GRB14: variants seen among roughly 807,000 people sequenced by gnomAD.
GRB14 encodes growth factor receptor-bound protein 14.
GRB14 carries 38 observed loss-of-function variants against 69.1 expected under a neutral mutation model. That is an observed-to-expected ratio of 0.55 (90% confidence interval 0.42 to 0.72). The LOEUF is 0.72. Ranked by LOEUF, GRB14 falls within the 30% of genes least tolerant of loss-of-function variation. The pLI is 0.00. For synonymous variants in GRB14, 247 were observed against 241.3 expected (o/e 1.02, Z -0.22); for missense variants, 666 against 666.1 (o/e 1.00, Z 0.00).
intron 6 of GRB14, among the ~76,000 whole-genome samples, chr2:164,520,114 T>C (rs1421271204): frequency 6.6e-6 from 1 of 152,058 alleles, no homozygotes. Flanking sequence ...CTTCAAACTA[T>C]ACTACAAGGC....
chr2:164,513,247 T>A (rs1423462652), intron 6 of GRB14, among the ~76,000 whole-genome samples: 1 of 152,214 alleles, frequency 6.6e-6, no homozygotes, highest in African/African-American at 2.4e-5. Context: ...TTTTGGTAAT[T>A]TCACTCCCTT....
chr2:164,523,362 G>A (rs916617779), intron 5 of GRB14, among the ~76,000 whole-genome samples: 4 of 151,990 alleles, frequency 2.6e-5, no homozygotes, highest in Non-Finnish European at 4.4e-5. Flanking sequence ...GCTCAACTGA[G>A]CGTTTGTGCT....
At chr2:164,517,613 C>G (rs1687526134) in intron 6 of GRB14, among the ~76,000 whole-genome samples, 1 of 152,064 alleles carries the variant, frequency 6.6e-6, no homozygotes, top group African/African-American at 2.4e-5. Flanking sequence ...TTGCTGTCTT[C>G]AAGAGACTCA....
chr2:164,494,488 T>G lies in GRB14; in HGVS notation c.1419A>C (p.Lys473Asn), dbSNP rs760727704. 140 of 1,603,414 alleles carry G rather than the reference T, an allele frequency of 8.7e-5. No individual in the cohort carries two copies. Among genetic ancestry groups the G allele is most frequent in the Non-Finnish European group, 1.2e-4 (136 of 1,170,530 alleles). Residue 473 changes from lysine (K) to asparagine (N), a missense_variant, in exon 13 of 14, where the codon AAA (lysine) becomes AAC (asparagine). Physicochemically the swap from Lys to Asn is moderately conservative, Grantham distance 94 (BLOSUM62 0). Coordinates refer to ENST00000263915, the MANE Select transcript of GRB14 (RefSeq NM_004490.3). ...CATGACTCATTGACAGTACGAAAGT[T>G]TTGGGGTTACTCTGACTATCCCGTA... Reference protein sequence around the residue: ...FLVRDSQSNPKTFVLSMSHGQ... With the variant: ...FLVRDSQSNPNTFVLSMSHGQ...
chr2:164,617,683 T>C (rs1253506869), intron 2 of GRB14, among the ~76,000 whole-genome samples: 1 of 152,166 alleles, frequency 6.6e-6, no homozygotes, highest in Non-Finnish European at 1.5e-5. Flanking sequence ...ATTCATAGCA[T>C]TAAAGTGAGT....
chr2:164,509,361 G>A (rs916324865), intron 6 of GRB14, among the ~76,000 whole-genome samples: 44 of 152,236 alleles, frequency 2.9e-4, no homozygotes, highest in African/African-American at 9.6e-4. Flanking sequence ...AGGAAGCAGC[G>A]ACTCTAACTT....
intron 2 of GRB14, among the ~76,000 whole-genome samples, chr2:164,567,076 T>C (rs1247127112): frequency 6.6e-6 from 1 of 152,154 alleles, no homozygotes; most frequent in East Asian, 1.9e-4. Flanking sequence ...CCTTTTCACA[T>C]CCTCAGTGAG....
At chr2:164,527,220 T>TATATATATAC (rs1302342705) in intron 3 of GRB14, 85 bp from the exon 4 acceptor site, 1 of 173,622 alleles carries the variant, frequency 5.8e-6, no homozygotes, top group Non-Finnish European at 1.1e-5. Context: ...TATATATATA[T>TATATATATAC]ACACACACAG....
chr2:164,518,788 T>C (rs1273247623), intron 6 of GRB14, among the ~76,000 whole-genome samples: 3 of 151,984 alleles, frequency 2.0e-5, no homozygotes, highest in Admixed American at 6.6e-5. Context: ...GATAAATTTC[T>C]GGAAAGATAA....
At chr2:164,580,155 C>T (rs553583597) in intron 2 of GRB14, among the ~76,000 whole-genome samples, 3 of 150,202 alleles carry the variant, frequency 2.0e-5, no homozygotes, top group East Asian at 2.0e-4. Context: ...AGTGCAGTGG[C>T]GTGGTCTCGC....
In GRB14 at chr2:164,494,422, A is replaced by G. The variant is rs190838839; in HGVS notation, c.1476+9T>C. 50 of 1,404,116 alleles carry G rather than the reference A, an allele frequency of 3.6e-5. No homozygotes were observed. In the East Asian group the frequency reaches 1.0e-3, roughly 29 times the overall value. The allele number at this position is 1,404,116 out of a possible 1,614,324, so 87.0% of individuals were successfully genotyped here. A position where few individuals can be genotyped will look rare whatever the true frequency, so the allele number is the denominator to read the frequency against. On this transcript the variant is annotated intron_variant, in intron 13 of 13. Transcript: ENST00000263915. Reference sequence around the variant, plus strand: ...CTAATACACAAATGTGAAATCACGAATTACTTACTGGTATAATTTGAAAGT... The same window carrying G: ...CTAATACACAAATGTGAAATCACGAGTTACTTACTGGTATAATTTGAAAGT...
At chr2:164,553,737 G>A (rs1688604102) in intron 2 of GRB14, among the ~76,000 whole-genome samples, 1 of 152,100 alleles carries the variant, frequency 6.6e-6, no homozygotes, top group Non-Finnish European at 1.5e-5. Flanking sequence ...GGCCAAGGCG[G>A]GCAGATCACC....
At position 164,539,453 on chromosome 2, in the gene GRB14, G is replaced by A. The variant is rs374074646; in HGVS notation, c.481+8207C>T. Among the ~76,000 whole-genome samples the A allele has an allele frequency of 2.7e-5, 4 of 145,818 alleles. No individual in the cohort carries two copies. The East Asian group carries it at 5.9e-4, about 22-fold the overall frequency. ...TCACATACTGTACTCCACCCTGGGC[G>A]ACAGACGGCGACTCCATCTCGGAAA... is the stretch of plus-strand genomic sequence containing the variant. On this transcript the variant is annotated intron_variant, in intron 3 of 13. Coordinates refer to ENST00000263915, the MANE Select transcript of GRB14 (RefSeq NM_004490.3).
At chr2:164,587,691 T>C (rs1477998462) in intron 2 of GRB14, among the ~76,000 whole-genome samples, 1 of 152,204 alleles carries the variant, frequency 6.6e-6, no homozygotes, top group Non-Finnish European at 1.5e-5. Flanking sequence ...AAGGCAAAGA[T>C]CTTCACCCAT....
At chr2:164,606,184 C>A (rs1371030783) in intron 2 of GRB14, among the ~76,000 whole-genome samples, 1 of 152,150 alleles carries the variant, frequency 6.6e-6, no homozygotes, top group Admixed American at 6.5e-5. Context: ...ACAATCCCCA[C>A]ACATCCCATA....
intron 2 of GRB14, among the ~76,000 whole-genome samples, chr2:164,559,123 C>G (rs900339156): frequency 6.6e-6 from 1 of 152,040 alleles, no homozygotes; most frequent in Non-Finnish European, 1.5e-5. Flanking sequence ...TCAACCTTCC[C>G]AGGACATTTG....
chr2:164,564,522 A>G (rs765260855), intron 2 of GRB14, among the ~76,000 whole-genome samples: 6 of 152,236 alleles, frequency 3.9e-5, no homozygotes, highest in African/African-American at 7.2e-5. Flanking sequence ...AGATCTTCTC[A>G]TAAATGGCAT....
At chr2:164,558,926 T>C (rs531131329) in intron 2 of GRB14, among the ~76,000 whole-genome samples, 32 of 152,306 alleles carry the variant, frequency 2.1e-4, no homozygotes, top group African/African-American at 7.7e-4. Flanking sequence ...CTGGCATCAA[T>C]TGAAGCCCTT....
intron 2 of GRB14, 34 bp downstream of exon 2, chr2:164,619,653 A>T (rs375845437): frequency 6.7e-7 from 1 of 1,490,336 alleles, no homozygotes; most frequent in African/African-American, 1.4e-5. Flanking sequence ...AGAACTCCTA[A>T]GATTTTTGAA....
Sources: allele counts gnomAD v4.1 joint callset (sites outside exome capture counted in the v4.1 genomes callset), GRCh38; gene constraint gnomAD v4.1.1; transcripts MANE v1.5; gene names NCBI Gene and HGNC (gene_info 2026-07-23, HGNC 2026-07-21).